The following LAPTM5 variants were observed in gnomAD, a reference collection of about 807,000 sequenced individuals.
LAPTM5 encodes the protein lysosomal protein transmembrane 5, also known as lysosomal-associated transmembrane protein 5.
In LAPTM5, 11 loss-of-function variants were observed where a neutral mutation model predicts 30.1. The ratio of observed to expected loss-of-function variants is 0.37; its 90% CI spans 0.23 to 0.60. The LOEUF is 0.60. Among genes scored for constraint, LAPTM5 ranks in the 20% least tolerant of loss-of-function variants. The pLI is 0.71. For missense variants in LAPTM5, 324 were observed against 332.5 expected, an observed-to-expected ratio of 0.97 and a Z score of 0.20; for synonymous variants, 151 against 137.9, an observed-to-expected ratio of 1.10 and a Z score of -0.67.
intron 6 of LAPTM5, among the ~76,000 whole-genome samples, chr1:30,735,883 T>C (rs1639877668): frequency 6.6e-6 from 1 of 152,092 alleles, no homozygotes; most frequent in Non-Finnish European, 1.5e-5. Context: ...AAGGTCTTGT[T>C]TGATGGATTC....
Position 30,739,996 on chromosome 1 carries a change from C to T in LAPTM5, c.259-59G>A. ...CTGCATGCAGCCAACACTCCGCCAC[C>T]CAGCCTGATATCCTCATGCATCCCC... is the stretch of plus-strand genomic sequence containing the variant. On this transcript the variant is annotated intron_variant, in intron 3 of 7. Transcript: ENST00000294507. The surrounding 1 kb of genome is among the most constrained non-coding windows in gnomAD (Gnocchi z 4.2). 1.3e-6 allele frequency: 2 copies of T among 1,490,842 alleles called. No homozygotes were observed. Among genetic ancestry groups the T allele is most frequent in the East Asian group, 2.5e-5 (1 of 40,226 alleles). The allele number at this position is 1,490,842 out of a possible 1,614,324, so 92.4% of individuals were successfully genotyped here. A position where few individuals can be genotyped will look rare whatever the true frequency, so the allele number is the denominator to read the frequency against.
intron 1 of LAPTM5, among the ~76,000 whole-genome samples, chr1:30,748,981 A>G (rs1050552053): frequency 6.6e-6 from 1 of 152,236 alleles, no homozygotes; most frequent in Admixed American, 6.5e-5. Flanking sequence ...ATCATTGAAG[A>G]CAGTGATTCA....
rs1366030940 is a variant in LAPTM5, at chr1:30,733,762, A to G, written c.*66T>C. ...CCCACCCAGGCCACAGGGGCCACCAAAGCAAAAAAGCAGATTATGAGGCAG... is the reference window on the plus strand; with the variant it reads ...CCCACCCAGGCCACAGGGGCCACCAGAGCAAAAAAGCAGATTATGAGGCAG... On this transcript the variant is annotated 3_prime_UTR_variant, in exon 8 of 8. Coordinates refer to ENST00000294507, the MANE Select transcript of LAPTM5 (RefSeq NM_006762.3). 6.4e-7 allele frequency: 1 copy of G among 1,554,894 alleles called. No individual in the cohort carries two copies. Among genetic ancestry groups the G allele is most frequent in the Non-Finnish European group, 8.7e-7 (1 of 1,155,818 alleles).
chr1:30,734,496 A>T (rs1639859600), intron 7 of LAPTM5, among the ~76,000 whole-genome samples: 1 of 152,196 alleles, frequency 6.6e-6, no homozygotes, highest in South Asian at 2.1e-4. Context: ...TCATATCCTG[A>T]TGTCAGGACT....
intron 1 of LAPTM5, among the ~76,000 whole-genome samples, chr1:30,757,348 T>C (rs1407882): frequency 0.62 from 94,457 of 152,126 alleles, 30,476 homozygotes; most frequent in East Asian, 0.83. Flanking sequence ...ACCTTCCGGC[T>C]GCTGCTGTGC....
intron 1 of LAPTM5, 77 bp downstream of exon 1, chr1:30,757,582 C>T (rs1270612062): frequency 7.6e-6 from 11 of 1,450,668 alleles, no homozygotes; most frequent in Admixed American, 1.9e-5. Flanking sequence ...TGTGGGGCTC[C>T]GTAGATGACG....
At chr1:30,742,066 G>T (rs568265227) in intron 2 of LAPTM5, 2 of 366,884 alleles carry the variant, frequency 5.5e-6, no homozygotes, top group African/African-American at 2.1e-5. Context: ...CTGGAGCAAG[G>T]TGTGGGGTGG....
At chr1:30,757,523 G>T (rs901109906) in intron 1 of LAPTM5, 136 bp downstream of exon 1, 4 of 898,540 alleles carry the variant, frequency 4.5e-6, no homozygotes, top group East Asian at 2.6e-5. Flanking sequence ...GCAGGACAGG[G>T]ATTTGCCCAG....
chr1:30,752,119 C>G (rs1169027994), intron 1 of LAPTM5, among the ~76,000 whole-genome samples: 1 of 152,152 alleles, frequency 6.6e-6, no homozygotes, highest in East Asian at 1.9e-4. Flanking sequence ...GAGGGCAGGG[C>G]CTCCCAGACA....
At chr1:30,744,543 A>G (rs550104141) in intron 1 of LAPTM5, among the ~76,000 whole-genome samples, 1 of 152,306 alleles carries the variant, frequency 6.6e-6, no homozygotes, top group Admixed American at 6.5e-5. Flanking sequence ...AAGTCTCAAG[A>G]TTCCAGGATT....
intron 1 of LAPTM5, among the ~76,000 whole-genome samples, chr1:30,751,271 G>A (rs1404992634): frequency 6.6e-6 from 1 of 152,228 alleles, no homozygotes; most frequent in African/African-American, 2.4e-5. Context: ...GCCCCCACCG[G>A]CCTCCTCACC....
intron 6 of LAPTM5, 25 bp from the exon 7 acceptor site, chr1:30,735,290 G>A (rs752463551): frequency 3.1e-6 from 5 of 1,600,658 alleles, no homozygotes; most frequent in African/African-American, 2.7e-5. Flanking sequence ...AGGTCAGGCT[G>A]TGCTTTGCTG....
rs754879200 is a variant in LAPTM5, at chr1:30,739,801, G to A, written c.387+8C>T. The A allele has an allele frequency of 1.3e-6, 2 of 1,591,158 alleles. No homozygotes were observed. The highest frequency in any genetic ancestry group is 1.4e-5 in the African/African-American group (1 of 73,864). ...CTGTCCGGTGAGAGGTGGGGGCTGG[G>A]TACTCACAGCACGGCTCCGGGAGGC... On this transcript the variant is annotated splice_region_variant and intron_variant, in intron 4 of 7. Coordinates refer to ENST00000294507, the MANE Select transcript of LAPTM5 (RefSeq NM_006762.3). The surrounding 1 kb of genome is among the most constrained non-coding windows in gnomAD (Gnocchi z 4.2).
chr1:30,735,153 C>A lies in LAPTM5; in HGVS notation c.699+20G>T, dbSNP rs112626544. On this transcript the variant is annotated intron_variant, in intron 7 of 7. Coordinates refer to ENST00000294507, the MANE Select transcript of LAPTM5 (RefSeq NM_006762.3). ...AGGGAGTTAGTGACAGGGCTGGCAC[C>A]CACCTGCAGCCACACTCACCTTCTG... The A allele has an allele frequency of 6.3e-7, 1 of 1,582,392 alleles. No individual in the cohort carries two copies. The highest frequency in any genetic ancestry group is 1.7e-5 in the Admixed American group (1 of 59,984).
intron 1 of LAPTM5, among the ~76,000 whole-genome samples, chr1:30,750,731 G>A (rs1640123844): frequency 6.6e-6 from 1 of 152,182 alleles, no homozygotes; most frequent in South Asian, 2.1e-4. Flanking sequence ...ATCTAACACA[G>A]GCTGCAGAGT....
At chr1:30,744,770 T>C (rs1640020001) in intron 1 of LAPTM5, among the ~76,000 whole-genome samples, 1 of 152,000 alleles carries the variant, frequency 6.6e-6, no homozygotes, top group Non-Finnish European at 1.5e-5. Context: ...CCAAAATGCC[T>C]CAGAGCCCTG....
chr1:30,742,363 T>C, intron 2 of LAPTM5, 93 bp downstream of exon 2: 5 of 816,566 alleles, frequency 6.1e-6, no homozygotes, highest in Non-Finnish European at 1.0e-5. Context: ...CATGGAGAGG[T>C]GGCAGTGCCT....
At chr1:30,737,788 C>CCA (rs1181895860) in intron 5 of LAPTM5, 89 bp from the exon 6 acceptor site, 22 of 832,794 alleles carry the variant, frequency 2.6e-5, no homozygotes, top group Non-Finnish European at 3.2e-5. Flanking sequence ...ATCCCACCCT[C>CCA]CACACACACA....
chr1:30,744,096 T>A (rs1418865872), intron 1 of LAPTM5, among the ~76,000 whole-genome samples: 2 of 152,164 alleles, frequency 1.3e-5, no homozygotes, highest in African/African-American at 4.8e-5. Flanking sequence ...GCAAACAGAA[T>A]CTGCTTTTGG....
Sources: gnomAD v4.1 joint callset for allele counts (sites outside exome capture counted in the v4.1 genomes callset) on GRCh38, gnomAD v4.1.1 for gene constraint, Gnocchi (gnomAD v3.1) non-coding constraint, MANE v1.5 for transcripts, NCBI Gene and HGNC (gene_info 2026-07-23, HGNC 2026-07-21) for gene names.